NRCAM: variants seen among roughly 807,000 people sequenced by gnomAD.
The protein encoded by NRCAM is neuronal cell adhesion molecule.
Under a neutral mutation model 156.5 loss-of-function variants are expected in NRCAM, and 83 were observed. The ratio of observed to expected loss-of-function variants is 0.53; its 90% CI spans 0.44 to 0.64. NRCAM has a LOEUF of 0.64. Ranked by LOEUF, NRCAM falls within the 30% of genes least tolerant of loss-of-function variation. The pLI is 0.00. For synonymous variants in NRCAM, 538 were observed against 563.9 expected (o/e 0.95, Z 0.65); for missense variants, 1,417 against 1,597.3 (o/e 0.89, Z 1.92).
chr7:108,379,148 A>G (rs2099689957), intron 2 of NRCAM, among the ~76,000 whole-genome samples: 1 of 152,214 alleles, frequency 6.6e-6, no homozygotes, highest in Non-Finnish European at 1.5e-5. Flanking sequence ...ACTAGCCACC[A>G]CAAAGGAAAA....
chr7:108,341,919 C>T (rs2099284035), intron 2 of NRCAM, among the ~76,000 whole-genome samples: 1 of 152,200 alleles, frequency 6.6e-6, no homozygotes, highest in African/African-American at 2.4e-5. Flanking sequence ...AACCCTTATA[C>T]TCTGCTTTCC....
chr7:108,386,278 G>C (rs990611898), intron 2 of NRCAM, among the ~76,000 whole-genome samples: 11 of 152,144 alleles, frequency 7.2e-5, no homozygotes, highest in African/African-American at 2.7e-4. Flanking sequence ...AAAATGCAAA[G>C]TCCAATACAC....
chr7:108,403,263 G>A (rs1483880881), intron 1 of NRCAM, among the ~76,000 whole-genome samples: 2 of 152,052 alleles, frequency 1.3e-5, no homozygotes, highest in Non-Finnish European at 2.9e-5. Context: ...CTTAGATTGG[G>A]TCCATTATCC....
chr7:108,437,457 G>A (rs908430071), intron 1 of NRCAM, among the ~76,000 whole-genome samples: 2 of 152,098 alleles, frequency 1.3e-5, no homozygotes, highest in Non-Finnish European at 2.9e-5. Flanking sequence ...TAACACAAAG[G>A]ATAAATGCTT....
intron 11 of NRCAM, among the ~76,000 whole-genome samples, chr7:108,212,608 A>G (rs2085246882): frequency 6.6e-6 from 1 of 152,180 alleles, no homozygotes; most frequent in African/African-American, 2.4e-5. Context: ...AATGCTCTGA[A>G]AAATCTCAGC....
At chr7:108,320,069 T>C (rs2154201329) in intron 2 of NRCAM, among the ~76,000 whole-genome samples, 1 of 152,350 alleles carries the variant, frequency 6.6e-6, no homozygotes, top group Non-Finnish European at 1.5e-5. Flanking sequence ...AAAAACACTT[T>C]TGATAGTGTT....
chr7:108,401,400 G>T (rs1316629433), intron 1 of NRCAM, among the ~76,000 whole-genome samples: 2 of 151,946 alleles, frequency 1.3e-5, no homozygotes, highest in African/African-American at 4.8e-5. Context: ...AATTATCTGG[G>T]TGTGGTGGTG....
intron 24 of NRCAM, 99 bp from the exon 25 acceptor site, chr7:108,180,526 T>G (rs759622551): frequency 1.3e-5 from 12 of 957,364 alleles, no homozygotes; most frequent in Non-Finnish European, 1.9e-5. Flanking sequence ...AAAATTCCGT[T>G]GGTATATTTT....
intron 2 of NRCAM, among the ~76,000 whole-genome samples, chr7:108,362,173 A>G (rs4727710): frequency 0.52 from 78,640 of 152,116 alleles, 21,200 homozygotes; most frequent in East Asian, 0.8. Context: ...GGAAAGTCCC[A>G]GATCAAAGCC....
At chr7:108,314,821 A>C (rs570926085) in intron 2 of NRCAM, among the ~76,000 whole-genome samples, 1 of 152,228 alleles carries the variant, frequency 6.6e-6, no homozygotes, top group African/African-American at 2.4e-5. Context: ...AAGCAGTATT[A>C]GGTAAAAAGT....
At chr7:108,305,865 A>C (rs938738636) in intron 3 of NRCAM, among the ~76,000 whole-genome samples, 3 of 152,214 alleles carry the variant, frequency 2.0e-5, no homozygotes, top group Admixed American at 6.5e-5. Context: ...TACATTTCAA[A>C]TAAGATTAGT....
At chr7:108,376,171 C>T (rs1373342659) in intron 2 of NRCAM, among the ~76,000 whole-genome samples, 1 of 152,146 alleles carries the variant, frequency 6.6e-6, no homozygotes, top group African/African-American at 2.4e-5. Flanking sequence ...CTTTTTCCAG[C>T]CAAGGGGCAG....
At chr7:108,407,309 C>T (rs556354285) in intron 1 of NRCAM, among the ~76,000 whole-genome samples, 22 of 152,278 alleles carry the variant, frequency 1.4e-4, no homozygotes, top group African/African-American at 5.1e-4. Context: ...TCTATTTAAT[C>T]GCTGCCCTAA....
At chr7:108,331,862 G>C (rs2099130535) in intron 2 of NRCAM, among the ~76,000 whole-genome samples, 1 of 152,122 alleles carries the variant, frequency 6.6e-6, no homozygotes, top group Non-Finnish European at 1.5e-5. Flanking sequence ...GTCTTTATAA[G>C]TTCTCCTAGC....
chr7:108,264,268 G>T (rs1334794073), intron 3 of NRCAM, among the ~76,000 whole-genome samples: 1 of 152,154 alleles, frequency 6.6e-6, no homozygotes, highest in African/African-American at 2.4e-5. Flanking sequence ...TAGCCTCTGC[G>T]CCTGGTCTGC....
intron 2 of NRCAM, among the ~76,000 whole-genome samples, chr7:108,324,182 T>C (rs1282750821): frequency 6.6e-6 from 1 of 151,998 alleles, no homozygotes. Context: ...GTATTGAGAA[T>C]AGGCTGAAGG....
chr7:108,204,961 G>T (rs1329883338), intron 13 of NRCAM, among the ~76,000 whole-genome samples: 2 of 152,276 alleles, frequency 1.3e-5, no homozygotes, highest in African/African-American at 4.8e-5. Context: ...AATTTAAAAG[G>T]GGAGTGTTAT....
At chr7:108,361,303 T>C (rs555121445) in intron 2 of NRCAM, among the ~76,000 whole-genome samples, 4 of 152,254 alleles carry the variant, frequency 2.6e-5, no homozygotes, top group Non-Finnish European at 5.9e-5. Flanking sequence ...CCATATATGA[T>C]GGTTAATTTT....
chr7:108,420,247 T>G (rs997351681), intron 1 of NRCAM, among the ~76,000 whole-genome samples: 1 of 152,108 alleles, frequency 6.6e-6, no homozygotes, highest in African/African-American at 2.4e-5. Flanking sequence ...TAGTAGATAT[T>G]ACTATAGAGA....
Sources: gnomAD v4.1 joint callset for allele counts (sites outside exome capture counted in the v4.1 genomes callset) on GRCh38, gnomAD v4.1.1 for gene constraint, MANE v1.5 for transcripts, NCBI Gene and HGNC (gene_info 2026-07-23, HGNC 2026-07-21) for gene names.